SLC25A21: variants seen among roughly 807,000 people sequenced by gnomAD.
The protein encoded by SLC25A21 is mitochondrial 2-oxodicarboxylate carrier.
Under a neutral mutation model 43.8 loss-of-function variants are expected in SLC25A21, and 47 were observed. The observed-to-expected ratio is 1.07, with a 90% confidence interval of 0.85 to 1.37. SLC25A21 has a LOEUF of 1.37. Ranked by LOEUF, SLC25A21 falls within the 40% of genes most tolerant of loss-of-function variation. The probability of loss-of-function intolerance (pLI) is 0.00; values close to 1 mark genes in which losing one functional copy is unlikely to be tolerated. For missense variants in SLC25A21, 352 were observed against 350.2 expected, an observed-to-expected ratio of 1.00 and a Z score of -0.04; for synonymous variants, 131 against 121.3, an observed-to-expected ratio of 1.08 and a Z score of -0.52.
chr14:37,030,375 G>C (rs1431310324), intron 1 of SLC25A21, among the ~76,000 whole-genome samples: 1 of 152,024 alleles, frequency 6.6e-6, no homozygotes, highest in East Asian at 1.9e-4. Flanking sequence ...AGGGTCAACT[G>C]TACTTCTTTT....
rs140682904 is a variant in SLC25A21, at chr14:36,715,605, T to C, written c.439-4123A>G. On this transcript the variant is annotated intron_variant, in intron 6 of 9. Coordinates refer to ENST00000331299, the MANE Select transcript of SLC25A21 (RefSeq NM_030631.4). ...TCTAACTTTCCTGGTTGTACCTTCA[T>C]TGACTGCACCCAATCTGAAAAGCAT... is the stretch of plus-strand genomic sequence containing the variant. Among the ~76,000 whole-genome samples, 417 of 152,220 alleles carry C rather than the reference T, an allele frequency of 2.7e-3. 2 individuals carry two copies. Among genetic ancestry groups the C allele is most frequent in the African/African-American group, 9.7e-3 (404 of 41,540 alleles).
intron 1 of SLC25A21, among the ~76,000 whole-genome samples, chr14:37,163,214 C>T (rs1043992885): frequency 3.3e-5 from 5 of 151,650 alleles, no homozygotes; most frequent in Middle Eastern, 3.2e-3. Context: ...GTGGGTGCAG[C>T]GCACCAGCAT....
Position 37,172,405 on chromosome 14 carries a change from G to C in SLC25A21, c.-55C>G. On this transcript the variant is annotated 5_prime_UTR_variant, in exon 1 of 10. Transcript: ENST00000331299. ...GCTGAGATGCGTCAACGAGCTCGCA[G>C]CCTGCACAGCCTACTGATCCAGAGA... is the stretch of plus-strand genomic sequence containing the variant. The C allele has an allele frequency of 6.6e-7, 1 of 1,517,762 alleles. No individual in the cohort carries two copies. The highest frequency in any genetic ancestry group is 9.0e-7 in the Non-Finnish European group (1 of 1,114,410). The allele number at this position is 1,517,762 out of a possible 1,614,324, so 94.0% of individuals were successfully genotyped here. A position where few individuals can be genotyped will look rare whatever the true frequency, so the allele number is the denominator to read the frequency against.
chr14:36,696,857 G>A (rs937508929), intron 7 of SLC25A21, among the ~76,000 whole-genome samples: 2 of 151,854 alleles, frequency 1.3e-5, no homozygotes, highest in Middle Eastern at 3.2e-3. Context: ...TTCAAAAAAC[G>A]AGCTCCTGGA....
At chr14:37,071,130 C>T (rs1158064495) in intron 1 of SLC25A21, among the ~76,000 whole-genome samples, 1 of 152,166 alleles carries the variant, frequency 6.6e-6, no homozygotes, top group Non-Finnish European at 1.5e-5. Flanking sequence ...TGTAAAATAT[C>T]CAATAGATCG....
chr14:36,979,052 C>T (rs531384021), intron 1 of SLC25A21, among the ~76,000 whole-genome samples: 2 of 152,254 alleles, frequency 1.3e-5, no homozygotes, highest in African/African-American at 4.8e-5. Context: ...GGCACCACTG[C>T]ACTCCAGCCT....
At chr14:37,137,057 G>C (rs1963493141) in intron 1 of SLC25A21, among the ~76,000 whole-genome samples, 1 of 152,186 alleles carries the variant, frequency 6.6e-6, no homozygotes, top group Non-Finnish European at 1.5e-5. Flanking sequence ...CTGGGGTGCA[G>C]TGGCGCAATC....
At chr14:36,755,068 A>C (rs1025371066) in intron 3 of SLC25A21, among the ~76,000 whole-genome samples, 4 of 152,204 alleles carry the variant, frequency 2.6e-5, no homozygotes, top group African/African-American at 9.7e-5. Flanking sequence ...ACAATTCTAA[A>C]ATAAAGAGGA....
chr14:36,734,583 A>G lies in SLC25A21; in HGVS notation c.204-10T>C. On this transcript the variant is annotated splice_polypyrimidine_tract_variant and intron_variant, in intron 3 of 9. Transcript: ENST00000331299. ...GTAAAAACCAAATAACCTGTTGGAGAAATAAAAGATTTCCTATGAGTAAGG... is the reference window on the plus strand; with the variant it reads ...GTAAAAACCAAATAACCTGTTGGAGGAATAAAAGATTTCCTATGAGTAAGG... 1 of 1,593,982 alleles carries G rather than the reference A, an allele frequency of 6.3e-7. No homozygotes were observed. Among genetic ancestry groups the G allele is most frequent in the African/African-American group, 1.3e-5 (1 of 74,598 alleles).
intron 1 of SLC25A21, among the ~76,000 whole-genome samples, chr14:36,975,937 C>T (rs1265786046): frequency 6.6e-6 from 1 of 152,222 alleles, no homozygotes; most frequent in Non-Finnish European, 1.5e-5. Context: ...AGCAGTGCTA[C>T]TGTTGCGGGA....
intron 1 of SLC25A21, among the ~76,000 whole-genome samples, chr14:37,139,487 A>G (rs998480060): frequency 4.0e-5 from 6 of 151,846 alleles, no homozygotes; most frequent in Non-Finnish European, 7.4e-5. Context: ...TTTTACTCAC[A>G]AAAAAAACTG....
intron 3 of SLC25A21, among the ~76,000 whole-genome samples, chr14:36,789,785 T>TTTATATATAATACATTTTATATA (rs1566615574): frequency 3.7e-5 from 3 of 81,210 alleles, no homozygotes; most frequent in African/African-American, 1.5e-4. Context: ...ATTTTATATA[T>TTTATATATAATACATTTTATATA]TTATATATAA....
intron 2 of SLC25A21, among the ~76,000 whole-genome samples, chr14:36,824,527 A>T (rs1371655289): frequency 6.6e-6 from 1 of 152,150 alleles, no homozygotes; most frequent in Non-Finnish European, 1.5e-5. Flanking sequence ...ATTGTAACAT[A>T]TATAATCTAT....
chr14:36,910,069 C>G (rs75828147), intron 1 of SLC25A21, among the ~76,000 whole-genome samples: 5,635 of 152,228 alleles, frequency 0.037, 153 homozygotes, highest in Non-Finnish European at 0.057. Flanking sequence ...GTGTATCAGA[C>G]TGTCAAATGC....
intron 1 of SLC25A21, among the ~76,000 whole-genome samples, chr14:37,097,596 T>C (rs8005939): frequency 0.76 from 116,357 of 152,112 alleles, 48,994 homozygotes; most frequent in South Asian, 0.95. Flanking sequence ...ACAAAAATAA[T>C]ATCAGGCAGG....
chr14:36,693,872 T>TA, intron 7 of SLC25A21, among the ~76,000 whole-genome samples: 1 of 152,048 alleles, frequency 6.6e-6, no homozygotes, highest in Non-Finnish European at 1.5e-5. Flanking sequence ...TTTAAATGAA[T>TA]AAAAAACCCA....
At chr14:36,751,688 G>C (rs1885714280) in intron 3 of SLC25A21, among the ~76,000 whole-genome samples, 2 of 152,124 alleles carry the variant, frequency 1.3e-5, no homozygotes, top group South Asian at 4.1e-4. Flanking sequence ...CCTGGTACTA[G>C]TTATCAATCG....
chr14:36,993,800 G>A (rs1317481402), intron 1 of SLC25A21, among the ~76,000 whole-genome samples: 1 of 152,028 alleles, frequency 6.6e-6, no homozygotes, highest in African/African-American at 2.4e-5. Context: ...GGAGGGAAAG[G>A]AACACCTCAT....
In SLC25A21 at chr14:36,886,973, C is replaced by T. The variant is rs138482379; in HGVS notation, c.71-11969G>A. Among the ~76,000 whole-genome samples, 1,143 of 152,008 alleles carry T rather than the reference C, an allele frequency of 7.5e-3. 13 individuals carry two copies. Among genetic ancestry groups the T allele is most frequent in the Non-Finnish European group, 0.01 (694 of 67,988 alleles). On this transcript the variant is annotated intron_variant, in intron 1 of 9. Coordinates refer to ENST00000331299, the MANE Select transcript of SLC25A21 (RefSeq NM_030631.4). ...TGGGCTTTTACCACAATCAACAATG[C>T]AACGAGAAACACCAGGGGGAAAATA...
Sources: gnomAD v4.1 joint callset for allele counts (sites outside exome capture counted in the v4.1 genomes callset) on GRCh38, gnomAD v4.1.1 for gene constraint, MANE v1.5 for transcripts, NCBI Gene and HGNC (gene_info 2026-07-23, HGNC 2026-07-21) for gene names.